Variants in WDFY1 observed in about 807,000 individuals in gnomAD.
WDFY1 encodes WD repeat and FYVE domain-containing protein 1.
In WDFY1, 32 loss-of-function variants were observed where a neutral mutation model predicts 56.4. The ratio of observed to expected loss-of-function variants is 0.57; its 90% confidence interval spans 0.43 to 0.76. The LOEUF (loss-of-function observed/expected upper bound fraction) is 0.76, where lower values mean the gene tolerates loss of function less well. Ranked by LOEUF, WDFY1 falls within the 30% of genes least tolerant of loss-of-function variation. The pLI is 0.00. For synonymous variants in WDFY1, 192 were observed against 197.3 expected, an observed-to-expected ratio of 0.97 and a Z score of 0.23; for missense variants, 480 against 545.7, an observed-to-expected ratio of 0.88 and a Z score of 1.20.
At chr2:223,930,040 C>G (rs1053168187) in intron 1 of WDFY1, among the ~76,000 whole-genome samples, 11 of 152,152 alleles carry the variant, frequency 7.2e-5, no homozygotes, top group Non-Finnish European at 1.5e-4. Context: ...TTTTTCCCCC[C>G]AAATAAATCA....
intron 3 of WDFY1, among the ~76,000 whole-genome samples, chr2:223,910,942 G>T (rs1012761501): frequency 6.6e-6 from 1 of 152,086 alleles, no homozygotes; most frequent in Non-Finnish European, 1.5e-5. Flanking sequence ...AAAAAAATAT[G>T]TCCATGCAAA....
rs779829481 is a variant in WDFY1 at position 223,877,421 on chromosome 2, AATAGAT to A, written c.*1244_*1249del. ...CCACTTACTTCCATATCCCTAGAGA[AATAGAT>A]ATATGTACTGTTGTCAAAAAAAATC... is the stretch of plus-strand genomic sequence containing the variant. On this transcript the variant is annotated 3_prime_UTR_variant, in exon 12 of 12. Coordinates refer to ENST00000233055, the MANE Select transcript of WDFY1 (RefSeq NM_020830.5). 2.6e-5 allele frequency: 4 copies of A among 152,178 alleles called. No homozygotes were observed. Among genetic ancestry groups the A allele is most frequent in the Non-Finnish European group, 4.4e-5 (3 of 68,022 alleles). The allele number at this position is 152,178 out of a possible 1,614,324, so 9.4% of individuals were successfully genotyped here.
intron 1 of WDFY1, among the ~76,000 whole-genome samples, chr2:223,935,136 A>G (rs1203551415): frequency 6.6e-6 from 1 of 152,210 alleles, no homozygotes; most frequent in African/African-American, 2.4e-5. Flanking sequence ...CTAGAAACCA[A>G]AAATGCCCCC....
At chr2:223,938,464 C>T (rs1368872221) in intron 1 of WDFY1, among the ~76,000 whole-genome samples, 3 of 152,116 alleles carry the variant, frequency 2.0e-5, no homozygotes, top group African/African-American at 7.2e-5. Context: ...TTTCTGTTTC[C>T]CCTACCAGGA....
At chr2:223,911,642 C>T (rs963007902) in intron 3 of WDFY1, among the ~76,000 whole-genome samples, 3 of 150,160 alleles carry the variant, frequency 2.0e-5, no homozygotes, top group East Asian at 2.0e-4. Flanking sequence ...TCCACCATCA[C>T]GGCTAAGGGA....
At chr2:223,891,712 A>G (rs1003716432) in intron 8 of WDFY1, among the ~76,000 whole-genome samples, 1 of 152,192 alleles carries the variant, frequency 6.6e-6, no homozygotes, top group African/African-American at 2.4e-5. Context: ...CGATAAAAAG[A>G]GCAGGTTAAA....
At chr2:223,928,946 G>C (rs1694029934) in intron 1 of WDFY1, among the ~76,000 whole-genome samples, 1 of 152,186 alleles carries the variant, frequency 6.6e-6, no homozygotes. Flanking sequence ...CATGGACCTG[G>C]ACACCAGACT....
At chr2:223,939,862 C>T (rs544370707) in intron 1 of WDFY1, among the ~76,000 whole-genome samples, 1 of 152,320 alleles carries the variant, frequency 6.6e-6, no homozygotes, top group African/African-American at 2.4e-5. Context: ...CAAATGTTCC[C>T]TGGGTGGGAA....
intron 1 of WDFY1, among the ~76,000 whole-genome samples, chr2:223,938,786 A>G (rs2106105136): frequency 6.6e-6 from 1 of 152,006 alleles, no homozygotes; most frequent in East Asian, 1.9e-4. Flanking sequence ...CTAGGTGGCT[A>G]TCTGTGAATG....
In WDFY1 at chr2:223,912,307, A is replaced by T. The variant is rs373628499; in HGVS notation, c.225T>A (p.Ala75=). 1.9e-5 allele frequency: 31 copies of T among 1,608,674 alleles called. No homozygotes were observed. The African/African-American group carries it at 3.9e-4, about 20-fold the overall frequency. ...HTMASPCSAM[A]YHHDSRRIFV... ...ATATCCGTCTGCTGTCATGATGGTA[A>T]GCCATAGCAGAGCAAGGAGCTGCCA... The change falls in exon 3 of 12, where the codon GCT becomes GCA. Residue 75 remains alanine, a synonymous_variant. Transcript: ENST00000233055.
In WDFY1 at chr2:223,894,265, G is replaced by T; in HGVS notation, c.800C>A (p.Ala267Glu). 1 of 1,614,164 alleles carries T rather than the reference G, an allele frequency of 6.2e-7. No individual in the cohort carries two copies. Among genetic ancestry groups the T allele is most frequent in the East Asian group, 2.2e-5 (1 of 44,886 alleles). The stretch of plus-strand genomic sequence containing the variant: ...TCTGCTAACATCCATGTTCCACACT[G>T]CAATTCCGCCGTCCGAGGAACAGGA... ...LVSCSSDGGI[A>E]VWNMDVSREE... The change falls in exon 8 of 12, where the codon GCA becomes GAA. Residue 267 changes from alanine (A) to glutamate (E), a missense_variant. Transcript: ENST00000233055.
chr2:223,915,022 G>A (rs1190907584), intron 2 of WDFY1, among the ~76,000 whole-genome samples: 1 of 152,216 alleles, frequency 6.6e-6, no homozygotes, highest in African/African-American at 2.4e-5. Context: ...ATAATCTGCG[G>A]ATAGCTTTTA....
At position 223,884,728 on chromosome 2, in the gene WDFY1, C is replaced by T. The variant is rs1314646752; in HGVS notation, c.853G>A (p.Asp285Asn). Residue 285 changes from aspartate (D) to asparagine (N), a missense_variant, in exon 9 of 12, where the codon GAT (aspartate) becomes AAT (asparagine). Transcript: ENST00000233055. ...REEAPQWLES[D>N]SCQKCEQPFF... Reference sequence around the variant, plus strand: ...GGCTGCTCACATTTCTGACAAGAATCACTTTCCAACCACTGAGGAGCCTGG... The same window carrying T: ...GGCTGCTCACATTTCTGACAAGAATTACTTTCCAACCACTGAGGAGCCTGG... 6.8e-6 allele frequency: 11 copies of T among 1,614,010 alleles called. No individual in the cohort carries two copies. Among genetic ancestry groups the T allele is most frequent in the Non-Finnish European group, 9.3e-6 (11 of 1,180,008 alleles).
At position 223,901,170 on chromosome 2, in the gene WDFY1, C is replaced by T; in HGVS notation, c.485+13G>A. 1.2e-6 allele frequency: 2 copies of T among 1,609,532 alleles called. No homozygotes were observed. The highest frequency in any genetic ancestry group is 1.7e-6 in the Non-Finnish European group (2 of 1,177,336). On this transcript the variant is annotated intron_variant, in intron 5 of 11. Coordinates refer to ENST00000233055, the MANE Select transcript of WDFY1 (RefSeq NM_020830.5). ...GGCCAGGGGAAGGAGAGGTCCGTGGCTCTGAAGGATACTGCAGACACGAAG... is the reference window on the plus strand; with the variant it reads ...GGCCAGGGGAAGGAGAGGTCCGTGGTTCTGAAGGATACTGCAGACACGAAG...
chr2:223,931,680 TTC>T (rs1262341078), intron 1 of WDFY1, among the ~76,000 whole-genome samples: 2 of 40,754 alleles, frequency 4.9e-5, no homozygotes, highest in Admixed American at 4.9e-4. Flanking sequence ...ATTAATATTT[TTC>T]TTTCTTTTTT....
At chr2:223,930,121 T>C (rs563460081) in intron 1 of WDFY1, among the ~76,000 whole-genome samples, 1 of 152,310 alleles carries the variant, frequency 6.6e-6, no homozygotes, top group East Asian at 1.9e-4. Context: ...CTGTGCTAAA[T>C]ACGAGTGGTG....
chr2:223,915,968 C>T (rs977597492), intron 2 of WDFY1, among the ~76,000 whole-genome samples: 3 of 152,252 alleles, frequency 2.0e-5, no homozygotes, highest in African/African-American at 4.8e-5. Flanking sequence ...TACGCATCCA[C>T]AGTACATGCA....
intron 1 of WDFY1, among the ~76,000 whole-genome samples, chr2:223,919,287 T>C (rs75140657): frequency 6.6e-6 from 1 of 152,198 alleles, no homozygotes; most frequent in Non-Finnish European, 1.5e-5. Flanking sequence ...CTCGGCTCAC[T>C]GCAACCGCCA....
chr2:223,908,904 GC>G (rs1211218418), intron 3 of WDFY1, among the ~76,000 whole-genome samples: 23 of 152,056 alleles, frequency 1.5e-4, no homozygotes, highest in African/African-American at 4.8e-4. Context: ...CACACACCCA[GC>G]CCTGCTTCCC....
Sources: allele counts gnomAD v4.1 joint callset (sites outside exome capture counted in the v4.1 genomes callset), GRCh38; gene constraint gnomAD v4.1.1; transcripts MANE v1.5; gene names NCBI Gene and HGNC (gene_info 2026-07-23, HGNC 2026-07-21).